SERHL2: variants seen among roughly 807,000 people sequenced by gnomAD.
SERHL2 encodes the protein serine hydrolase-like protein 2.
Under a neutral mutation model 25.5 loss-of-function variants are expected in SERHL2, and 29 were observed. The ratio of observed to expected loss-of-function variants is 1.14; its 90% CI spans 0.85 to 1.55. The LOEUF is 1.55. SERHL2 is among the 40% of genes most tolerant of loss of function. SERHL2 has a pLI of 0.00. For missense variants in SERHL2, 240 were observed against 252.3 expected, an observed-to-expected ratio of 0.95 and a Z score of 0.33; for synonymous variants, 95 against 103.5, an observed-to-expected ratio of 0.92 and a Z score of 0.50.
In SERHL2 at chr22:42,572,459, C is replaced by A. The variant is rs144992498; in HGVS notation, c.755C>A (p.Ser252Ter). ...AGAGCAGTCCACGGATATTTTGATT[C>A]AAGACAGAATTACTCTGAGAAGGAG... ...LIKAVHGYFDSRQNYSEKESL... is the reference protein window; with the variant it reads ...LIKAVHGYFD Residue 252 changes from serine to a stop codon, truncating the protein, a stop_gained, in exon 11 of 12, where the codon TCA becomes TAA. Transcript: ENST00000327678. LOFTEE classifies it high-confidence loss of function. The A allele has an allele frequency of 3.4e-4, 550 of 1,611,396 alleles. 9 individuals carry two copies. In the African/African-American group the frequency reaches 4.0e-3, roughly 12 times the overall value.
intron 9 of SERHL2, among the ~76,000 whole-genome samples, chr22:42,567,826 G>A (rs547079351): frequency 6.6e-6 from 1 of 151,554 alleles, no homozygotes; most frequent in Non-Finnish European, 1.5e-5. Flanking sequence ...TGCCTCCCAG[G>A]TTCGAGTGAT....
In SERHL2 at chr22:42,556,525, C is replaced by T. The variant is rs1464848969; in HGVS notation, c.360C>T (p.Thr120=). The T allele has an allele frequency of 6.2e-7, 1 of 1,612,528 alleles. No individual in the cohort carries two copies. The highest frequency in any genetic ancestry group is 8.5e-7 in the Non-Finnish European group (1 of 1,179,034). ...TGGCATCCTCACAGTTTTTCTGTAC[C>T]TTCCCCGAGATGGTGGATAAACTTA... ...GGVVGGMFFC[T]FPEMVDKLIL... Residue 120 remains threonine, a synonymous_variant, in exon 6 of 12, where the codon ACC becomes ACT. Transcript: ENST00000327678.
In SERHL2 at chr22:42,556,606, G is replaced by C. The variant is rs374229947; in HGVS notation, c.423+18G>C. The C allele has an allele frequency of 3.6e-4, 574 of 1,575,958 alleles. 2 individuals carry two copies. Among genetic ancestry groups the C allele is most frequent in the Non-Finnish European group, 4.7e-4 (548 of 1,153,706 alleles). On this transcript the variant is annotated intron_variant, in intron 6 of 11. Transcript: ENST00000327678. ...AATCAGATGTGAGAAGCGGGCTTTC[G>C]TGCATGCTGTCATTAGGGAGGACCT...
At chr22:42,558,917 C>T (rs1382154880) in intron 7 of SERHL2, among the ~76,000 whole-genome samples, 1 of 13,600 alleles carries the variant, frequency 7.4e-5, no homozygotes, top group African/African-American at 4.7e-4. Context: ...ATGTGAACTC[C>T]GCAACCCCCA....
chr22:42,572,499 G>A lies in SERHL2; in HGVS notation c.795G>A (p.Met265Ile), dbSNP rs779707684. Residue 265 changes from methionine (M) to isoleucine (I), a missense_variant, in exon 11 of 12, where the codon ATG becomes ATA. Physicochemically the swap from Met to Ile is conservative, Grantham distance 10 (BLOSUM62 1). This residue lies in a region of SERHL2 where 212 missense variants were observed against 168.9 expected (regional missense o/e 1.25). Coordinates refer to ENST00000327678, the MANE Select transcript of SERHL2 (RefSeq NM_014509.5). ...NYSEKESLSF[M>I]IDTMKSTLKE... is the part of the protein sequence containing the mutation. Reference sequence around the variant, plus strand: ...CTGAGAAGGAGTCCCTGTCGTTCATGATAGACACGATGAAATCCACCCTCA... The same window carrying A: ...CTGAGAAGGAGTCCCTGTCGTTCATAATAGACACGATGAAATCCACCCTCA... 4 of 1,611,956 alleles carry A rather than the reference G, an allele frequency of 2.5e-6. No individual in the cohort carries two copies. The East Asian group carries it at 6.7e-5, about 27-fold the overall frequency.
intron 11 of SERHL2, 196 bp from the exon 12 acceptor site, chr22:42,573,740 C>G: frequency 1.5e-6 from 1 of 665,558 alleles, no homozygotes; most frequent in Non-Finnish European, 2.7e-6. Context: ...CCTCCAAGTC[C>G]CTAGGGTTAG....
At chr22:42,567,427 G>T (rs910933124) in intron 9 of SERHL2, among the ~76,000 whole-genome samples, 2 of 151,884 alleles carry the variant, frequency 1.3e-5, no homozygotes, top group African/African-American at 4.8e-5. Context: ...CACTTTGGGA[G>T]GCCGAGGCGG....
Position 42,572,464 on chromosome 22 carries a change from C to G in SERHL2, c.760C>G (p.Gln254Glu), listed in dbSNP as rs779652679. ...AGTCCACGGATATTTTGATTCAAGA[C>G]AGAATTACTCTGAGAAGGAGTCCCT... The part of the protein sequence containing the change: ...KAVHGYFDSR[Q>E]NYSEKESLSF... The change falls in exon 11 of 12, where the codon CAG (glutamine) becomes GAG (glutamate). Residue 254 changes from glutamine to glutamate, a missense_variant. Transcript: ENST00000327678. 1.7e-5 allele frequency: 28 copies of G among 1,611,594 alleles called. No individual in the cohort carries two copies. Among genetic ancestry groups the G allele is most frequent in the African/African-American group, 1.1e-4 (8 of 74,920 alleles).
intron 10 of SERHL2, chr22:42,571,533 C>G (rs1431492735): frequency 3.9e-6 from 4 of 1,038,886 alleles, no homozygotes; most frequent in Non-Finnish European, 4.8e-6. Context: ...TCAAACGATT[C>G]TCCTGCCTCA....
At chr22:42,566,463 C>CAG in intron 9 of SERHL2, 125 bp downstream of exon 9, 2 of 899,302 alleles carry the variant, frequency 2.2e-6, no homozygotes, top group South Asian at 2.8e-5. Flanking sequence ...GAGGCTGAGG[C>CAG]AGGACAATCG....
chr22:42,559,860 A>G (rs779040896), intron 7 of SERHL2, among the ~76,000 whole-genome samples: 16 of 152,030 alleles, frequency 1.1e-4, no homozygotes, highest in African/African-American at 2.4e-4. Context: ...TCCCCAGGCT[A>G]GAGTGCAGTG....
At chr22:42,563,715 G>C (rs998213114) in intron 8 of SERHL2, among the ~76,000 whole-genome samples, 1 of 151,678 alleles carries the variant, frequency 6.6e-6, no homozygotes, top group African/African-American at 2.4e-5. Context: ...TTATTTTTTG[G>C]AGGAAGGGCC....
chr22:42,559,450 C>G (rs1170046082), intron 7 of SERHL2, among the ~76,000 whole-genome samples: 1 of 151,372 alleles, frequency 6.6e-6, no homozygotes, highest in South Asian at 2.1e-4. Flanking sequence ...GCCTGTAATC[C>G]CAGCACTTTG....
At chr22:42,567,670 CAA>C (rs1010111429) in intron 9 of SERHL2, among the ~76,000 whole-genome samples, 16 of 131,680 alleles carry the variant, frequency 1.2e-4, no homozygotes, top group African/African-American at 4.0e-4. Context: ...GACTCCATGT[CAA>C]AAAAAAAATA....
chr22:42,566,357 G>A lies in SERHL2; in HGVS notation c.648+19G>A, dbSNP rs373211746. ...CGCCTGGGTGAGTACCACTGCCTCCGGGTCCCCCGCCAAGGTTTGCCTGTT... is the reference window on the plus strand; with the variant it reads ...CGCCTGGGTGAGTACCACTGCCTCCAGGTCCCCCGCCAAGGTTTGCCTGTT... On this transcript the variant is annotated intron_variant, in intron 9 of 11. Transcript: ENST00000327678. 41 of 1,609,978 alleles carry A rather than the reference G, an allele frequency of 2.5e-5. No homozygotes were observed. Among genetic ancestry groups the A allele is most frequent in the Middle Eastern group, 1.8e-4 (1 of 5,666 alleles).
rs772539986 is a variant in SERHL2, at chr22:42,553,978, A to T, written c.-43A>T. On this transcript the variant is annotated 5_prime_UTR_variant, in exon 1 of 12. Transcript: ENST00000327678. ...GTCACTCTGCTCCTGCGACCTAGCCAGGCGTGAGGGAGTGACAGCAGCGCA... is the reference window on the plus strand; with the variant it reads ...GTCACTCTGCTCCTGCGACCTAGCCTGGCGTGAGGGAGTGACAGCAGCGCA... 28 of 1,612,156 alleles carry T rather than the reference A, an allele frequency of 1.7e-5. No individual in the cohort carries two copies. Among genetic ancestry groups the T allele is most frequent in the Non-Finnish European group, 2.3e-5 (27 of 1,178,768 alleles).
Position 42,574,134 on chromosome 22 carries a change from G to T in SERHL2, c.*79G>T. On this transcript the variant is annotated 3_prime_UTR_variant, in exon 12 of 12. Transcript: ENST00000327678. ...CTGAGTTCCTGAGCCCCACAACAAGGCCAGGGATGGTGGGGACAGGCCTCA... is the reference window on the plus strand; with the variant it reads ...CTGAGTTCCTGAGCCCCACAACAAGTCCAGGGATGGTGGGGACAGGCCTCA... The T allele has an allele frequency of 1.5e-6, 2 of 1,349,852 alleles. No individual in the cohort carries two copies. Among genetic ancestry groups the T allele is most frequent in the Non-Finnish European group, 2.1e-6 (2 of 951,736 alleles). 83.6% of individuals were successfully genotyped at this position (1,349,852 alleles called of 1,614,324 possible).
chr22:42,567,726 T>C (rs936634617), intron 9 of SERHL2, among the ~76,000 whole-genome samples: 4 of 149,506 alleles, frequency 2.7e-5, no homozygotes, highest in Non-Finnish European at 4.5e-5. Flanking sequence ...TTAATTTTAT[T>C]ATTATTATTA....
intron 8 of SERHL2, 75 bp from the exon 9 acceptor site, chr22:42,566,229 C>T: frequency 6.8e-7 from 1 of 1,477,682 alleles, no homozygotes; most frequent in Non-Finnish European, 9.4e-7. Flanking sequence ...CTGGAGGGTT[C>T]CAGCAAAGTC....
Sources: gnomAD v4.1 joint callset for allele counts (sites outside exome capture counted in the v4.1 genomes callset) on GRCh38, gnomAD v4.1.1 for gene constraint, gnomAD v4.1.1 regional missense constraint, MANE v1.5 for transcripts, NCBI Gene and HGNC (gene_info 2026-07-23, HGNC 2026-07-21) for gene names.